Variants in DNAJC2 observed in about 807,000 individuals in gnomAD.
DNAJC2 encodes the protein dnaJ homolog subfamily C member 2.
DNAJC2 carries 32 observed loss-of-function variants against 94.0 expected under a neutral mutation model. The ratio of observed to expected loss-of-function variants is 0.34; its 90% CI spans 0.26 to 0.46. DNAJC2 has a LOEUF of 0.46. Among genes scored for constraint, DNAJC2 ranks in the 20% least tolerant of loss-of-function variants. DNAJC2 has a pLI of 1.00. For missense variants in DNAJC2, 550 were observed against 719.5 expected (o/e 0.76, Z 2.69); for synonymous variants, 210 against 229.7 (o/e 0.91, Z 0.77).
intron 2 of DNAJC2, among the ~76,000 whole-genome samples, chr7:103,338,291 T>G (rs2116039430): frequency 6.6e-6 from 1 of 150,768 alleles, no homozygotes; most frequent in East Asian, 2.0e-4. Context: ...TTTTAATGAT[T>G]TTAAGATTTT....
At position 103,341,759 on chromosome 7, in the gene DNAJC2, A is replaced by C. The variant is rs1259430600; in HGVS notation, c.255+5T>G. On this transcript the variant is annotated splice_donor_5th_base_variant and intron_variant, in intron 2 of 16. Coordinates refer to ENST00000379263, the MANE Select transcript of DNAJC2 (RefSeq NM_014377.3). The stretch of plus-strand genomic sequence containing the variant: ...GACTGAACAAAATATTCAGATATTA[A>C]ATACCTTCCAGTCTTTGGGATCAAG... 6.5e-7 allele frequency: 1 copy of C among 1,547,622 alleles called. No individual in the cohort carries two copies. Among genetic ancestry groups the C allele is most frequent in the East Asian group, 2.3e-5 (1 of 43,782 alleles).
chr7:103,329,000 C>T, intron 3 of DNAJC2: 1 of 1,277,420 alleles, frequency 7.8e-7, no homozygotes, highest in Non-Finnish European at 1.0e-6. Context: ...CAAACTATTT[C>T]ATACTCCTAC....
intron 12 of DNAJC2, among the ~76,000 whole-genome samples, 169 bp downstream of exon 12, chr7:103,319,435 TCAAAA>T (rs368867894): frequency 9.5e-4 from 144 of 152,116 alleles, no homozygotes; most frequent in African/African-American, 3.3e-3. Flanking sequence ...AGACTCTGTC[TCAAAA>T]CAAAAAACCA....
chr7:103,321,133 G>A (rs1190076106), intron 10 of DNAJC2, among the ~76,000 whole-genome samples: 3 of 151,992 alleles, frequency 2.0e-5, no homozygotes. Flanking sequence ...GGGAGGTGAA[G>A]GTTGCAGTGA....
chr7:103,343,579 G>C (rs1003530774), intron 1 of DNAJC2, among the ~76,000 whole-genome samples: 2 of 152,170 alleles, frequency 1.3e-5, no homozygotes, highest in Admixed American at 1.3e-4. Context: ...TAGGAAGCTT[G>C]AATGAGACCA....
intron 15 of DNAJC2, chr7:103,314,028 A>C: frequency 1.0e-6 from 1 of 984,116 alleles, no homozygotes; most frequent in South Asian, 4.7e-5. Context: ...AGAAGGAAAA[A>C]CAAAACAAAA....
chr7:103,344,665 C>A lies in DNAJC2; in HGVS notation c.-43G>T, dbSNP rs563101837. ...CCCGGTGGGCGCAGCGGCTCACGTCCCGGGCGGAGGGCGCTTAGGGTCCCC... is the reference window on the plus strand; with the variant it reads ...CCCGGTGGGCGCAGCGGCTCACGTCACGGGCGGAGGGCGCTTAGGGTCCCC... On this transcript the variant is annotated 5_prime_UTR_variant, in exon 1 of 17. Coordinates refer to ENST00000379263, the MANE Select transcript of DNAJC2 (RefSeq NM_014377.3). 6.3e-7 allele frequency: 1 copy of A among 1,597,670 alleles called. No homozygotes were observed. The highest frequency in any genetic ancestry group is 2.2e-5 in the East Asian group (1 of 44,776).
intron 2 of DNAJC2, among the ~76,000 whole-genome samples, chr7:103,340,285 C>T (rs80256376): frequency 0.048 from 7,371 of 152,256 alleles, 239 homozygotes; most frequent in African/African-American, 0.081. Context: ...GTTTTTCCTC[C>T]TCTTCCTACC....
chr7:103,329,357 G>C (rs937125724), intron 3 of DNAJC2: 1 of 156,736 alleles, frequency 6.4e-6, no homozygotes, highest in African/African-American at 2.4e-5. Flanking sequence ...TTCCGGCCAA[G>C]TCGGCTCTAG....
At chr7:103,315,952 G>T (rs745841240) in intron 14 of DNAJC2, 36 bp downstream of exon 14, 5 of 1,534,134 alleles carry the variant, frequency 3.3e-6, no homozygotes, top group Non-Finnish European at 4.5e-6. Context: ...TTAAAAATAG[G>T]TGTTTAAAGT....
chr7:103,319,164 C>T (rs1345098608), intron 12 of DNAJC2, among the ~76,000 whole-genome samples: 2 of 152,042 alleles, frequency 1.3e-5, no homozygotes, highest in South Asian at 2.1e-4. Flanking sequence ...ACAGGCTGGG[C>T]GTGGTGGTTC....
intron 3 of DNAJC2, among the ~76,000 whole-genome samples, chr7:103,328,014 G>A (rs375089988): frequency 4.6e-5 from 7 of 151,986 alleles, no homozygotes; most frequent in East Asian, 1.9e-4. Flanking sequence ...TCCGCCTCCC[G>A]GGTTCAAGCG....
At chr7:103,321,785 T>G (rs972143444) in intron 10 of DNAJC2, 147 bp downstream of exon 10, 23 of 819,376 alleles carry the variant, frequency 2.8e-5, no homozygotes, top group Non-Finnish European at 3.9e-5. Context: ...GAGGCGGAAA[T>G]TGCGGTGAAC....
chr7:103,320,455 A>C (rs1258224280), intron 10 of DNAJC2, among the ~76,000 whole-genome samples: 1 of 152,062 alleles, frequency 6.6e-6, no homozygotes, highest in Non-Finnish European at 1.5e-5. Flanking sequence ...TTTTCTAAAC[A>C]TAATCATCTT....
intron 2 of DNAJC2, among the ~76,000 whole-genome samples, chr7:103,338,982 T>A (rs898402296): frequency 6.6e-6 from 1 of 152,138 alleles, no homozygotes; most frequent in South Asian, 2.1e-4. Context: ...CCTTGATGAT[T>A]TGTATGCACA....
Position 103,316,099 on chromosome 7 carries a change from A to G in DNAJC2, c.1428-11T>C, listed in dbSNP as rs745811330. On this transcript the variant is annotated splice_polypyrimidine_tract_variant and intron_variant, in intron 13 of 16. Coordinates refer to ENST00000379263, the MANE Select transcript of DNAJC2 (RefSeq NM_014377.3). ...GCAATAACTTCCCATCTGATAGGAT[A>G]TATTATACAATAATATGAATAGTAG... 2 of 1,489,422 alleles carry G rather than the reference A, an allele frequency of 1.3e-6. No homozygotes were observed. Among genetic ancestry groups the G allele is most frequent in the Admixed American group, 2.1e-5 (1 of 46,782 alleles). 92.3% of individuals were successfully genotyped at this position (1,489,422 alleles called of 1,614,324 possible).
intron 15 of DNAJC2, among the ~76,000 whole-genome samples, chr7:103,314,952 C>T (rs1366666420): frequency 6.6e-6 from 1 of 152,148 alleles, no homozygotes; most frequent in Non-Finnish European, 1.5e-5. Flanking sequence ...GCTTTCAAAC[C>T]TTGTCATAGC....
chr7:103,344,158 T>C (rs567766912), intron 1 of DNAJC2: 1 of 198,962 alleles, frequency 5.0e-6, no homozygotes, highest in East Asian at 1.2e-4. Flanking sequence ...GGGAGAAAGT[T>C]GTTTAAGAGA....
chr7:103,323,706 G>GA (rs759184926), intron 6 of DNAJC2, 43 bp from the exon 7 acceptor site: 43 of 1,290,654 alleles, frequency 3.3e-5, no homozygotes, highest in Admixed American at 1.7e-4. Context: ...CAGAATAAAT[G>GA]AAAAAAAATT....
Sources: gnomAD v4.1 joint callset for allele counts (sites outside exome capture counted in the v4.1 genomes callset) on GRCh38, gnomAD v4.1.1 for gene constraint, MANE v1.5 for transcripts, NCBI Gene and HGNC (gene_info 2026-07-23, HGNC 2026-07-21) for gene names.